TGFBR3: variants seen among roughly 807,000 people sequenced by gnomAD.
TGFBR3 encodes transforming growth factor beta receptor type 3.
TGFBR3 carries 46 observed loss-of-function variants against 87.9 expected under a neutral mutation model. That is an observed-to-expected ratio of 0.52 (90% CI 0.41 to 0.67). The LOEUF (loss-of-function observed/expected upper bound fraction) is 0.67. Among genes scored for constraint, TGFBR3 ranks in the 30% least tolerant of loss-of-function variants. TGFBR3 has a pLI of 0.00. For missense variants in TGFBR3, 866 were observed against 1,041.9 expected, an observed-to-expected ratio of 0.83 and a Z score of 2.32; for synonymous variants, 381 against 391.6, an observed-to-expected ratio of 0.97 and a Z score of 0.32.
intron 2 of TGFBR3, among the ~76,000 whole-genome samples, chr1:91,852,616 G>A (rs902040454): frequency 6.6e-6 from 1 of 152,108 alleles, no homozygotes; most frequent in Non-Finnish European, 1.5e-5. Flanking sequence ...GCCCAGGCTG[G>A]AGTGCAGTGG....
intron 3 of TGFBR3, among the ~76,000 whole-genome samples, chr1:91,775,949 C>T (rs1243354754): frequency 6.6e-6 from 1 of 152,206 alleles, no homozygotes. Context: ...AGCTATTCAG[C>T]AATATTTTGG....
chr1:91,761,607 C>G (rs934901946), intron 3 of TGFBR3, among the ~76,000 whole-genome samples: 6 of 152,128 alleles, frequency 3.9e-5, no homozygotes, highest in African/African-American at 1.4e-4. Context: ...ATGCTTCCCC[C>G]GCTTGAGTAA....
intron 12 of TGFBR3, among the ~76,000 whole-genome samples, chr1:91,713,754 A>G (rs1672068752): frequency 1.3e-5 from 2 of 152,190 alleles, no homozygotes; most frequent in Non-Finnish European, 2.9e-5. Context: ...TGTAAATACT[A>G]ACACTTCAGT....
chr1:91,791,942 G>A (rs1675209751), intron 3 of TGFBR3, among the ~76,000 whole-genome samples: 1 of 152,158 alleles, frequency 6.6e-6, no homozygotes, highest in African/African-American at 2.4e-5. Flanking sequence ...CTGTTAAGAG[G>A]CAAGTCGAGC....
intron 3 of TGFBR3, among the ~76,000 whole-genome samples, chr1:91,796,515 G>C (rs1402892350): frequency 1.3e-5 from 2 of 152,138 alleles, no homozygotes; most frequent in Non-Finnish European, 2.9e-5. Flanking sequence ...CTATGCTCAG[G>C]GATTTTCAGG....
At chr1:91,727,304 C>G (rs1025855435) in intron 7 of TGFBR3, among the ~76,000 whole-genome samples, 3 of 152,160 alleles carry the variant, frequency 2.0e-5, no homozygotes, top group Non-Finnish European at 4.4e-5. Context: ...TTGTGGGATG[C>G]TCAATATGAA....
intron 7 of TGFBR3, among the ~76,000 whole-genome samples, chr1:91,722,345 C>T (rs1381706711): frequency 1.3e-5 from 2 of 152,104 alleles, no homozygotes; most frequent in Non-Finnish European, 2.9e-5. Context: ...ACGTATGCTG[C>T]TTGATCATAC....
At chr1:91,881,392 A>G (rs1247354321) in intron 1 of TGFBR3, among the ~76,000 whole-genome samples, 1 of 152,224 alleles carries the variant, frequency 6.6e-6, no homozygotes, top group Non-Finnish European at 1.5e-5. Flanking sequence ...AAACAATGGA[A>G]CAACACTTTC....
At chr1:91,706,157 A>G (rs1671792764) in intron 14 of TGFBR3, among the ~76,000 whole-genome samples, 1 of 152,216 alleles carries the variant, frequency 6.6e-6, no homozygotes, top group East Asian at 1.9e-4. Flanking sequence ...TTATTGTTAA[A>G]TTATCAGAGA....
At chr1:91,709,276 G>A (rs1321220579) in intron 13 of TGFBR3, among the ~76,000 whole-genome samples, 6 of 152,210 alleles carry the variant, frequency 3.9e-5, no homozygotes, top group East Asian at 3.9e-4. Context: ...CTAAAGTACC[G>A]AACAACACAG....
chr1:91,758,354 G>A (rs542491212), intron 4 of TGFBR3, among the ~76,000 whole-genome samples: 1 of 152,252 alleles, frequency 6.6e-6, no homozygotes, highest in African/African-American at 2.4e-5. Context: ...GCCACACAGA[G>A]TATGACGACA....
chr1:91,710,057 T>A (rs922422416), intron 13 of TGFBR3, among the ~76,000 whole-genome samples: 1 of 152,192 alleles, frequency 6.6e-6, no homozygotes, highest in Non-Finnish European at 1.5e-5. Flanking sequence ...GCCTAATAGG[T>A]ATAACTCTAA....
chr1:91,736,565 C>A (rs1672974009), intron 4 of TGFBR3, among the ~76,000 whole-genome samples: 1 of 151,840 alleles, frequency 6.6e-6, no homozygotes, highest in African/African-American at 2.4e-5. Flanking sequence ...TTTGACGTCG[C>A]CTGAATAAGA....
chr1:91,681,317 G>A lies in TGFBR3; in HGVS notation c.*2422C>T. On this transcript the variant is annotated 3_prime_UTR_variant, in exon 17 of 17. Transcript: ENST00000212355. ...ACATTCACTCTCCAATATGAGATTA[G>A]GTTTTATCGACACAGATTTCTTGAT... 1 of 444,944 alleles carries A rather than the reference G, an allele frequency of 2.2e-6. No homozygotes were observed. Among genetic ancestry groups the A allele is most frequent in the Non-Finnish European group, 4.5e-6 (1 of 224,444 alleles). The allele number at this position is 444,944 out of a possible 1,614,324, so 27.6% of individuals were successfully genotyped here.
In TGFBR3 at chr1:91,727,643, T is replaced by G; in HGVS notation, c.885+16A>C. On this transcript the variant is annotated intron_variant, in intron 7 of 16. Coordinates refer to ENST00000212355, the MANE Select transcript of TGFBR3 (RefSeq NM_003243.5). ...ATTTATCTAAACAAAACAAAAGACA[T>G]GCTCCACCAACTTACAATAATTTTC... 1.2e-6 allele frequency: 2 copies of G among 1,614,038 alleles called. No individual in the cohort carries two copies. The highest frequency in any genetic ancestry group is 1.3e-5 in the African/African-American group (1 of 75,060).
chr1:91,795,201 T>G (rs1296688508), intron 3 of TGFBR3, among the ~76,000 whole-genome samples: 1 of 152,242 alleles, frequency 6.6e-6, no homozygotes, highest in East Asian at 1.9e-4. Flanking sequence ...AGTATTGAAC[T>G]ACAACCATCT....
At chr1:91,893,988 G>A (rs968794769) in intron 2 of TGFBR3, among the ~76,000 whole-genome samples, 1 of 149,668 alleles carries the variant, frequency 6.7e-6, no homozygotes, top group Non-Finnish European at 1.5e-5. Context: ...CCAGCACTTT[G>A]GGAGGCCAAA....
intron 2 of TGFBR3, among the ~76,000 whole-genome samples, chr1:91,837,193 T>A (rs1024082962): frequency 4.6e-5 from 7 of 151,744 alleles, no homozygotes; most frequent in African/African-American, 1.7e-4. Flanking sequence ...AATAACAAAT[T>A]AACTTCATGA....
At chr1:91,719,515 T>C (rs1396240969) in intron 9 of TGFBR3, 51 bp from the exon 10 acceptor site, 2 of 1,609,572 alleles carry the variant, frequency 1.2e-6, no homozygotes, top group African/African-American at 1.3e-5. Flanking sequence ...GGCAGTTCTG[T>C]TGTATAATTG....
Sources: gnomAD v4.1 joint callset for allele counts (sites outside exome capture counted in the v4.1 genomes callset) on GRCh38, gnomAD v4.1.1 for gene constraint, MANE v1.5 for transcripts, NCBI Gene and HGNC (gene_info 2026-07-23, HGNC 2026-07-21) for gene names.